CGRRF1: variants seen among roughly 807,000 people sequenced by gnomAD.
The protein encoded by CGRRF1 is cell growth regulator with ring finger domain 1, also known as cell growth regulator with RING finger domain protein 1.
CGRRF1 carries 32 observed loss-of-function variants against 37.2 expected under a neutral mutation model. The observed-to-expected ratio is 0.86, with a 90% confidence interval of 0.65 to 1.16. The LOEUF (loss-of-function observed/expected upper bound fraction) is 1.16. Ranked by LOEUF, CGRRF1 falls within the 50% of genes most tolerant of loss-of-function variation. The pLI is 0.00. For missense variants in CGRRF1, 391 were observed against 382.6 expected (o/e 1.02, Z -0.18); for synonymous variants, 141 against 140.3 (o/e 1.00, Z -0.04).
chr14:54,513,341 G>A (rs1214424780), intron 1 of CGRRF1, among the ~76,000 whole-genome samples: 6 of 152,180 alleles, frequency 3.9e-5, no homozygotes, highest in South Asian at 2.1e-4. Context: ...TGGCTAAAGC[G>A]CTTGACTGTT....
chr14:54,527,128 A>G (rs1042985088), intron 2 of CGRRF1, among the ~76,000 whole-genome samples: 8 of 152,242 alleles, frequency 5.3e-5, no homozygotes, highest in African/African-American at 1.9e-4. Context: ...CTACGTCCCA[A>G]TTCTGTTAAT....
At position 54,522,597 on chromosome 14, in the gene CGRRF1, G is replaced by A. The variant is rs368690111; in HGVS notation, c.244+4G>A. On this transcript the variant is annotated splice_donor_region_variant and intron_variant, in intron 2 of 5. Coordinates refer to ENST00000216420, the MANE Select transcript of CGRRF1 (RefSeq NM_006568.3). Reference sequence around the variant, plus strand: ...CCATCTTCAGCTTCAATTACAAGTTGGTGGCTGTTTTCCAAAGATTTTCTC... The same window carrying A: ...CCATCTTCAGCTTCAATTACAAGTTAGTGGCTGTTTTCCAAAGATTTTCTC... The A allele has an allele frequency of 1.9e-6, 3 of 1,576,542 alleles. No homozygotes were observed. The highest frequency in any genetic ancestry group is 2.8e-5 in the African/African-American group (2 of 72,234).
In CGRRF1 at chr14:54,538,454, A is replaced by T; in HGVS notation, c.*71A>T. On this transcript the variant is annotated 3_prime_UTR_variant, in exon 6 of 6. Coordinates refer to ENST00000216420, the MANE Select transcript of CGRRF1 (RefSeq NM_006568.3). ...AATTGATGATCTTGGAATTCATCAT[A>T]ACATGGAATCTACAGTACTGACCAT... 8.9e-7 allele frequency: 1 copy of T among 1,118,264 alleles called. No individual in the cohort carries two copies. The highest frequency in any genetic ancestry group is 1.3e-6 in the Non-Finnish European group (1 of 771,662). 69.3% of individuals were successfully genotyped at this position (1,118,264 alleles called of 1,614,324 possible).
chr14:54,510,448 A>G (rs930917280), intron 1 of CGRRF1, among the ~76,000 whole-genome samples: 1 of 152,144 alleles, frequency 6.6e-6, no homozygotes, highest in Non-Finnish European at 1.5e-5. Flanking sequence ...TGAGTTAGTC[A>G]CCTGTGCTAC....
chr14:54,514,485 G>T (rs941143360), intron 1 of CGRRF1, among the ~76,000 whole-genome samples: 1 of 152,190 alleles, frequency 6.6e-6, no homozygotes. Flanking sequence ...ACATGTGAAG[G>T]TTTGTTACAT....
chr14:54,512,724 G>C (rs547262498), intron 1 of CGRRF1, among the ~76,000 whole-genome samples: 1 of 152,294 alleles, frequency 6.6e-6, no homozygotes, highest in Admixed American at 6.5e-5. Context: ...CCTCACTCTG[G>C]CATTAATAGT....
At chr14:54,535,917 G>A (rs1038919245) in intron 4 of CGRRF1, among the ~76,000 whole-genome samples, 2 of 151,936 alleles carry the variant, frequency 1.3e-5, no homozygotes, top group Non-Finnish European at 2.9e-5. Context: ...TTATTTTGAC[G>A]CTCAAACTGC....
At chr14:54,513,897 C>T (rs1355373630) in intron 1 of CGRRF1, among the ~76,000 whole-genome samples, 2 of 152,110 alleles carry the variant, frequency 1.3e-5, no homozygotes, top group African/African-American at 4.8e-5. Context: ...GTCAGTGTCT[C>T]ATTTAGAATA....
chr14:54,529,962 A>G (rs929532706), intron 2 of CGRRF1, 87 bp from the exon 3 acceptor site: 2 of 1,124,628 alleles, frequency 1.8e-6, no homozygotes, highest in African/African-American at 3.1e-5. Flanking sequence ...GCCAGCATCC[A>G]AAAGGAAGCT....
At chr14:54,532,789 A>C (rs1450891909) in intron 4 of CGRRF1, among the ~76,000 whole-genome samples, 1 of 151,470 alleles carries the variant, frequency 6.6e-6, no homozygotes. Context: ...CATCCCATGC[A>C]CCTTAGCGTG....
chr14:54,522,994 T>G lies in CGRRF1; in HGVS notation c.244+401T>G, dbSNP rs1015591151. Among the ~76,000 whole-genome samples the G allele has an allele frequency of 1.3e-4, 20 of 152,198 alleles. No homozygotes were observed. The East Asian group carries it at 3.9e-3, about 29-fold the overall frequency. On this transcript the variant is annotated intron_variant, in intron 2 of 5. Coordinates refer to ENST00000216420, the MANE Select transcript of CGRRF1 (RefSeq NM_006568.3). ...GCCTTTTTATTTTTTTTGAGACAGA[T>G]TCTTACTCTGTCATCCAGGCTGGAG...
Position 54,533,018 on chromosome 14 carries a change from C to T in CGRRF1, c.570+1968C>T, listed in dbSNP as rs1007656327. 2.6e-5 allele frequency among the ~76,000 whole-genome samples: 4 copies of T among 151,964 alleles called. No homozygotes were observed. In the South Asian group the frequency reaches 6.2e-4, roughly 24 times the overall value. ...TTGGTTCAGCACAAAAGGATCAGAT[C>T]GCAGTCATTTTCCCTCCCAGCTTCC... On this transcript the variant is annotated intron_variant, in intron 4 of 5. Transcript: ENST00000216420.
intron 2 of CGRRF1, among the ~76,000 whole-genome samples, chr14:54,529,454 T>C (rs966922171): frequency 6.6e-6 from 1 of 152,226 alleles, no homozygotes; most frequent in Non-Finnish European, 1.5e-5. Context: ...TATTAAACTC[T>C]TTATGTTTTG....
chr14:54,534,271 C>T (rs965209505), intron 4 of CGRRF1, among the ~76,000 whole-genome samples: 9 of 151,956 alleles, frequency 5.9e-5, no homozygotes, highest in African/African-American at 1.7e-4. Flanking sequence ...ACTACAGGCA[C>T]GCACCACCAC....
At chr14:54,512,340 T>C (rs1229039927) in intron 1 of CGRRF1, among the ~76,000 whole-genome samples, 1 of 152,264 alleles carries the variant, frequency 6.6e-6, no homozygotes, top group Non-Finnish European at 1.5e-5. Context: ...AGCATGCAAC[T>C]GGAAATATAG....
At position 54,509,927 on chromosome 14, in the gene CGRRF1, C is replaced by T. The variant is rs753411776; in HGVS notation, c.-33C>T. The T allele has an allele frequency of 6.5e-7, 1 of 1,529,062 alleles. No homozygotes were observed. The highest frequency in any genetic ancestry group is 9.1e-7 in the Non-Finnish European group (1 of 1,103,384). 94.7% of individuals were successfully genotyped at this position (1,529,062 alleles called of 1,614,324 possible). On this transcript the variant is annotated 5_prime_UTR_variant, in exon 1 of 6. Coordinates refer to ENST00000216420, the MANE Select transcript of CGRRF1 (RefSeq NM_006568.3). The stretch of plus-strand genomic sequence containing the variant: ...AGCCGGGCTGGGCTGGGCTCCGCGG[C>T]TGGAGCCGGGCTCTACCCAGAGCAA...
At chr14:54,537,955 C>T in intron 5 of CGRRF1, 108 bp from the exon 6 acceptor site, 3 of 1,479,418 alleles carry the variant, frequency 2.0e-6, no homozygotes, top group Non-Finnish European at 2.7e-6. Flanking sequence ...CTGTTCTTTG[C>T]AATTGAATTT....
At chr14:54,524,192 G>C (rs1265624880) in intron 2 of CGRRF1, among the ~76,000 whole-genome samples, 1 of 152,112 alleles carries the variant, frequency 6.6e-6, no homozygotes, top group Middle Eastern at 3.4e-3. Context: ...CTGAGTTAAT[G>C]CTCTCTCTCT....
intron 1 of CGRRF1, among the ~76,000 whole-genome samples, chr14:54,517,250 G>C (rs371279093): frequency 6.6e-6 from 1 of 152,022 alleles, no homozygotes; most frequent in African/African-American, 2.4e-5. Context: ...ACCTTACTAG[G>C]TGCTGGATAT....
Sources: allele counts gnomAD v4.1 joint callset (sites outside exome capture counted in the v4.1 genomes callset), GRCh38; gene constraint gnomAD v4.1.1; transcripts MANE v1.5; gene names NCBI Gene and HGNC (gene_info 2026-07-23, HGNC 2026-07-21).